RBFOX1: variants seen among roughly 807,000 people sequenced by gnomAD.
RBFOX1 encodes RNA binding protein fox-1 homolog 1.
A neutral mutation model predicts 57.7 loss-of-function variants in RBFOX1; 8 were observed. The ratio of observed to expected loss-of-function variants is 0.14; its 90% CI spans 0.08 to 0.25. RBFOX1 has a LOEUF of 0.25. Among genes scored for constraint, RBFOX1 ranks in the 10% least tolerant of loss-of-function variants. The pLI is 1.00. For missense variants in RBFOX1, 611 were observed against 548.5 expected, an observed-to-expected ratio of 1.11 and a Z score of -1.14; for synonymous variants, 326 against 222.4, an observed-to-expected ratio of 1.47 and a Z score of -4.15.
At chr16:6,422,493 A>G (rs2093803942) in intron 2 of RBFOX1, among the ~76,000 whole-genome samples, 1 of 152,086 alleles carries the variant, frequency 6.6e-6, no homozygotes. Flanking sequence ...ACTGCTATAA[A>G]GAAATGCCTG....
intron 4 of RBFOX1, among the ~76,000 whole-genome samples, chr16:5,949,302 C>T (rs773249808): frequency 6.6e-5 from 10 of 151,732 alleles, no homozygotes; most frequent in African/African-American, 2.2e-4. Context: ...TGAGGCAGGC[C>T]GATCACGAGG....
At chr16:6,625,240 A>C (rs75737660) in intron 2 of RBFOX1, among the ~76,000 whole-genome samples, 6,541 of 151,530 alleles carry the variant, frequency 0.043, 179 homozygotes, top group Non-Finnish European at 0.046. Flanking sequence ...TTTCACAAAC[A>C]ATTATTTAAT....
At chr16:6,875,535 T>A (rs992241400) in intron 3 of RBFOX1, among the ~76,000 whole-genome samples, 2 of 152,198 alleles carry the variant, frequency 1.3e-5, no homozygotes, top group African/African-American at 2.4e-5. Flanking sequence ...AGACTATGAA[T>A]TATGTTTATG....
chr16:6,710,373 A>G (rs1380673510), intron 3 of RBFOX1, among the ~76,000 whole-genome samples: 3 of 152,226 alleles, frequency 2.0e-5, no homozygotes, highest in Non-Finnish European at 4.4e-5. Context: ...TATTTAACCC[A>G]AATATCCAAA....
intron 4 of RBFOX1, among the ~76,000 whole-genome samples, chr16:5,918,848 C>G (rs919555921): frequency 6.6e-6 from 1 of 152,314 alleles, no homozygotes; most frequent in African/African-American, 2.4e-5. Context: ...AGAAGCAACA[C>G]TTGACTTTTC....
intron 1 of RBFOX1, among the ~76,000 whole-genome samples, chr16:6,074,058 C>G (rs1028992887): frequency 1.3e-5 from 2 of 152,126 alleles, no homozygotes; most frequent in Non-Finnish European, 2.9e-5. Flanking sequence ...CTGCCATTCT[C>G]CTGCCTCAGC....
intron 3 of RBFOX1, among the ~76,000 whole-genome samples, chr16:6,854,827 C>A (rs918978695): frequency 1.3e-5 from 2 of 151,936 alleles, no homozygotes; most frequent in Admixed American, 1.3e-4. Context: ...ATCTCCTGAC[C>A]TCGTGATCCG....
At chr16:6,888,420 A>G (rs1422436009) in intron 3 of RBFOX1, among the ~76,000 whole-genome samples, 4 of 152,164 alleles carry the variant, frequency 2.6e-5, no homozygotes, top group African/African-American at 9.7e-5. Context: ...GTCAACACTT[A>G]GAAAGCAGTG....
At chr16:5,564,220 G>T (rs2045984540) in intron 2 of RBFOX1, among the ~76,000 whole-genome samples, 1 of 151,770 alleles carries the variant, frequency 6.6e-6, no homozygotes, top group Non-Finnish European at 1.5e-5. Flanking sequence ...GTTTCACTGT[G>T]TTGGCCAGGC....
intron 2 of RBFOX1, among the ~76,000 whole-genome samples, chr16:6,379,821 G>A (rs911136069): frequency 2.0e-5 from 3 of 152,252 alleles, no homozygotes; most frequent in South Asian, 2.1e-4. Flanking sequence ...GCAAGAAGGG[G>A]GATATGTTAG....
intron 4 of RBFOX1, among the ~76,000 whole-genome samples, chr16:7,507,058 GAA>G (rs1184074655): frequency 6.6e-6 from 1 of 152,118 alleles, no homozygotes; most frequent in African/African-American, 2.4e-5. Flanking sequence ...TATATTTTAT[GAA>G]TAAGGAAACT....
chr16:6,450,823 ATATATATATATATGTG>A (rs2094592886), intron 2 of RBFOX1, among the ~76,000 whole-genome samples: 1 of 33,508 alleles, frequency 3.0e-5, no homozygotes, highest in African/African-American at 1.8e-4. Flanking sequence ...ATATACATAT[ATATATATATATATGTG>A]TATATATATA....
chr16:6,370,963 T>A (rs1167549112), intron 2 of RBFOX1, among the ~76,000 whole-genome samples: 1 of 152,212 alleles, frequency 6.6e-6, no homozygotes, highest in Non-Finnish European at 1.5e-5. Context: ...TCAATTTGGG[T>A]CTTTCAGCTG....
rs7201723 is a variant in RBFOX1 at position 5,856,312 on chromosome 16, T to C, written c.319-10991T>C. Among the ~76,000 whole-genome samples, 41 of 74,492 alleles carry C rather than the reference T, an allele frequency of 5.5e-4. 1 individual carries two copies. The highest frequency in any genetic ancestry group is 5.0e-3 in the South Asian group (10 of 2,008). The allele number at this position is 74,492 out of a possible 152,430, so 48.9% of individuals were successfully genotyped here. A position where few individuals can be genotyped will look rare whatever the true frequency, so the allele number is the denominator to read the frequency against. The stretch of plus-strand genomic sequence containing the variant: ...ACACACACACACACACACACACACA[T>C]ATATATAGGGAAAACTGTTATATTA... On this transcript the variant is annotated intron_variant, in intron 3 of 19. Coordinates refer to the RBFOX1 transcript ENST00000641259.
intron 1 of RBFOX1, among the ~76,000 whole-genome samples, chr16:5,461,740 T>C (rs976137656): frequency 3.3e-5 from 5 of 152,114 alleles, no homozygotes; most frequent in Admixed American, 2.6e-4. Flanking sequence ...GGAGATAGCC[T>C]GCTGGCAGGG....
intron 11 of RBFOX1, among the ~76,000 whole-genome samples, chr16:7,651,555 G>A (rs1285869963): frequency 1.3e-5 from 2 of 152,178 alleles, no homozygotes; most frequent in African/African-American, 4.8e-5. Context: ...CAGTGTATGT[G>A]GAAAGGACTC....
intron 2 of RBFOX1, among the ~76,000 whole-genome samples, chr16:6,522,175 G>GTA (rs2096514204): frequency 6.6e-6 from 1 of 151,760 alleles, no homozygotes; most frequent in Non-Finnish European, 1.5e-5. Context: ...GTGTGTGTGT[G>GTA]TGTGTGTGTG....
At chr16:7,416,300 A>C (rs1359337210) in intron 4 of RBFOX1, among the ~76,000 whole-genome samples, 2 of 152,048 alleles carry the variant, frequency 1.3e-5, no homozygotes, top group Non-Finnish European at 2.9e-5. Context: ...GAATCCAGAG[A>C]CTCTGAGCTT....
chr16:7,231,084 C>A (rs78046553), intron 4 of RBFOX1, among the ~76,000 whole-genome samples: 1 of 152,096 alleles, frequency 6.6e-6, no homozygotes, highest in South Asian at 2.1e-4. Flanking sequence ...CAGAATCTAC[C>A]TCTCCAGAAT....
Sources: gnomAD v4.1 joint callset for allele counts (sites outside exome capture counted in the v4.1 genomes callset) on GRCh38, gnomAD v4.1.1 for gene constraint, MANE v1.5 for transcripts, NCBI Gene and HGNC (gene_info 2026-07-23, HGNC 2026-07-21) for gene names.